Variants in ADGRG1 observed in about 807,000 individuals in gnomAD.
ADGRG1 encodes 7-transmembrane protein with no EGF-like N-terminal domains-1.
Under a neutral mutation model 73.5 loss-of-function variants are expected in ADGRG1, and 53 were observed. That is an observed-to-expected ratio of 0.72 (90% CI 0.58 to 0.91). ADGRG1 has a LOEUF of 0.91. Ranked by LOEUF, ADGRG1 falls within the 40% of genes least tolerant of loss-of-function variation. The pLI, the probability that ADGRG1 is intolerant of heterozygous loss-of-function variation, is 0.00. For missense variants in ADGRG1, 795 were observed against 871.8 expected, an observed-to-expected ratio of 0.91 and a Z score of 1.11; for synonymous variants, 394 against 374.4, an observed-to-expected ratio of 1.05 and a Z score of -0.60.
At chr16:57,637,253 G>C (rs1402111089) in intron 1 of ADGRG1, 2 of 943,384 alleles carry the variant, frequency 2.1e-6, no homozygotes, top group African/African-American at 1.8e-5. Flanking sequence ...CCCCGACCCT[G>C]GTCGGGAATG....
At chr16:57,660,731 G>C (rs766343572) in intron 11 of ADGRG1, 37 bp from the exon 12 acceptor site, 4 of 1,506,894 alleles carry the variant, frequency 2.7e-6, no homozygotes, top group Admixed American at 1.7e-5. Context: ...AGGCCTCAGA[G>C]AGCGGGAAGT....
At chr16:57,648,656 T>C in intron 1 of ADGRG1, 2 of 984,390 alleles carry the variant, frequency 2.0e-6, no homozygotes, top group Non-Finnish European at 2.4e-6. Context: ...TCCTCCTTGG[T>C]TTCTCTTAAA....
intron 1 of ADGRG1, chr16:57,635,654 G>A: frequency 1.0e-6 from 1 of 985,132 alleles, no homozygotes; most frequent in Non-Finnish European, 1.2e-6. Context: ...TGTTCCCTGG[G>A]CCGTGAGGCT....
At chr16:57,658,539 A>G (rs1427116454) in intron 10 of ADGRG1, among the ~76,000 whole-genome samples, 1 of 152,232 alleles carries the variant, frequency 6.6e-6, no homozygotes, top group African/African-American at 2.4e-5. Context: ...GTGTGCCTAT[A>G]TGACTGTCCT....
In ADGRG1 at chr16:57,653,481, A is replaced by G. The variant is rs1268242444; in HGVS notation, c.620+146A>G. On this transcript the variant is annotated intron_variant, in intron 4 of 13. Coordinates refer to ENST00000562631, the MANE Select transcript of ADGRG1 (RefSeq NM_201525.4). ...TTGATTTCTCTTTCTGCCTTCTGGG[A>G]GTCAACACATGCCCCCCAGGCTGAG... 4 of 1,482,728 alleles carry G rather than the reference A, an allele frequency of 2.7e-6. No individual in the cohort carries two copies. In the African/African-American group the frequency reaches 5.6e-5, roughly 21 times the overall value. The allele number at this position is 1,482,728 out of a possible 1,614,324, so 91.8% of individuals were successfully genotyped here.
At chr16:57,638,838 G>A (rs569390796) in intron 1 of ADGRG1, among the ~76,000 whole-genome samples, 72 of 152,256 alleles carry the variant, frequency 4.7e-4, no homozygotes, top group East Asian at 1.7e-3. Context: ...TTGGGAGGCC[G>A]AGGCGGGCAT....
intron 12 of ADGRG1, chr16:57,661,266 G>A: frequency 1.0e-6 from 1 of 985,168 alleles, no homozygotes; most frequent in Non-Finnish European, 1.2e-6. Context: ...CTGGTGTGCT[G>A]TTCGGAGGCA....
At chr16:57,642,666 C>T in intron 1 of ADGRG1, 1 of 984,280 alleles carries the variant, frequency 1.0e-6, no homozygotes, top group African/African-American at 1.7e-5. Flanking sequence ...CTAGTGCTCC[C>T]TGAAAGTGCT....
intron 2 of ADGRG1, chr16:57,650,595 T>C (rs2043812405): frequency 5.8e-6 from 1 of 171,680 alleles, no homozygotes; most frequent in Non-Finnish European, 1.2e-5. Context: ...CAGAGCATTC[T>C]TGTGCAGTGT....
At chr16:57,635,762 C>A (rs989795599) in intron 1 of ADGRG1, 31 of 985,378 alleles carry the variant, frequency 3.1e-5, no homozygotes, top group Non-Finnish European at 3.7e-5. Context: ...TGCAGGACAA[C>A]AGAGGCAGCC....
intron 1 of ADGRG1, chr16:57,645,460 A>C (rs1204318468): frequency 4.9e-6 from 2 of 404,226 alleles, no homozygotes; most frequent in African/African-American, 4.5e-5. Flanking sequence ...GGGGAGCCAC[A>C]GAGGAGCCTG....
chr16:57,643,557 A>G (rs2041393705), intron 1 of ADGRG1: 1 of 936,714 alleles, frequency 1.1e-6, no homozygotes, highest in Non-Finnish European at 1.3e-6. Flanking sequence ...AGCTGGCGGT[A>G]TGGGGGGTGG....
intron 1 of ADGRG1, chr16:57,634,181 C>T (rs1327739040): frequency 1.0e-6 from 1 of 985,318 alleles, no homozygotes; most frequent in African/African-American, 1.7e-5. Context: ...GGCTGAGCAG[C>T]TGACCCCTTC....
chr16:57,632,025 G>A, intron 1 of ADGRG1: 1 of 985,488 alleles, frequency 1.0e-6, no homozygotes, highest in Non-Finnish European at 1.2e-6. Flanking sequence ...AGCCTGGATG[G>A]GAGCAATCCT....
chr16:57,647,748 G>A, intron 1 of ADGRG1: 1 of 976,962 alleles, frequency 1.0e-6, no homozygotes, highest in Non-Finnish European at 1.2e-6. Context: ...CCTTGGAGTA[G>A]TTGTTCAAAC....
intron 1 of ADGRG1, chr16:57,648,486 C>A: frequency 1.0e-6 from 1 of 973,926 alleles, no homozygotes; most frequent in Non-Finnish European, 1.2e-6. Context: ...GGGTTCCATT[C>A]CACATGGTGG....
intron 1 of ADGRG1, chr16:57,635,511 A>G: frequency 2.0e-6 from 2 of 985,360 alleles, no homozygotes; most frequent in Non-Finnish European, 1.2e-6. Flanking sequence ...GGCATGCCCC[A>G]GGGTCCCGTC....
upstream of ADGRG1, chr16:57,624,774 C>T: frequency 1.1e-6 from 1 of 912,582 alleles, no homozygotes; most frequent in Non-Finnish European, 1.3e-6. Context: ...TCTTGAAGAT[C>T]TCCTCCTACC....
intron 1 of ADGRG1, chr16:57,647,424 G>A: frequency 1.0e-6 from 1 of 985,316 alleles, no homozygotes; most frequent in Non-Finnish European, 1.2e-6. Context: ...GTTAGGGGCA[G>A]GCATGAGCTG....
Sources: allele counts gnomAD v4.1 joint callset (sites outside exome capture counted in the v4.1 genomes callset), GRCh38; gene constraint gnomAD v4.1.1; transcripts MANE v1.5; gene names NCBI Gene and HGNC (gene_info 2026-07-23, HGNC 2026-07-21).